MLLT3: variants seen among roughly 807,000 people sequenced by gnomAD.
MLLT3 encodes protein AF-9.
In MLLT3, 4 loss-of-function variants were observed where a neutral mutation model predicts 53.2. The observed-to-expected ratio is 0.08, with a 90% CI of 0.04 to 0.17. The LOEUF (loss-of-function observed/expected upper bound fraction) is 0.17, where lower values mean the gene tolerates loss of function less well. Ranked by LOEUF, MLLT3 falls within the 10% of genes least tolerant of loss-of-function variation. MLLT3 has a pLI of 1.00. For synonymous variants in MLLT3, 283 were observed against 230.6 expected (o/e 1.23, Z -2.06); for missense variants, 569 against 684.0 (o/e 0.83, Z 1.87).
At position 20,470,653 on chromosome 9, in the gene MLLT3, T is replaced by C. The variant is rs569198072; in HGVS notation, c.194-13867A>G. 2.6e-5 allele frequency among the ~76,000 whole-genome samples: 4 copies of C among 152,096 alleles called. No homozygotes were observed. The East Asian group carries it at 7.7e-4, about 29-fold the overall frequency. On this transcript the variant is annotated intron_variant, in intron 2 of 10. Coordinates refer to ENST00000380338, the MANE Select transcript of MLLT3 (RefSeq NM_004529.4). The stretch of plus-strand genomic sequence containing the variant: ...CATCAAGAAATGCTGGTAGATAAAT[T>C]CCAAATCCATCTGACTCTAGTTTCT...
chr9:20,487,657 T>G (rs146328243), intron 2 of MLLT3, among the ~76,000 whole-genome samples: 74 of 152,254 alleles, frequency 4.9e-4, no homozygotes, highest in African/African-American at 1.7e-3. Context: ...ACAATCCAAG[T>G]GGCACAATTT....
At chr9:20,350,990 G>A (rs1337007670) in intron 10 of MLLT3, among the ~76,000 whole-genome samples, 1 of 152,124 alleles carries the variant, frequency 6.6e-6, no homozygotes, top group East Asian at 1.9e-4. Flanking sequence ...GGATAACATA[G>A]GTCTTCCCAT....
intron 2 of MLLT3, among the ~76,000 whole-genome samples, chr9:20,618,306 T>C (rs957003135): frequency 6.6e-6 from 1 of 152,232 alleles, no homozygotes; most frequent in Non-Finnish European, 1.5e-5. Context: ...ATTCTTATTC[T>C]ATATTTATTC....
intron 2 of MLLT3, among the ~76,000 whole-genome samples, chr9:20,556,703 T>TA (rs1819066175): frequency 6.6e-6 from 1 of 151,310 alleles, no homozygotes; most frequent in African/African-American, 2.4e-5. Flanking sequence ...AATAAATAAA[T>TA]AAAAGTTGGG....
intron 4 of MLLT3, among the ~76,000 whole-genome samples, chr9:20,418,665 G>C (rs1230595885): frequency 6.6e-6 from 1 of 152,092 alleles, no homozygotes; most frequent in East Asian, 1.9e-4. Context: ...GAATGCAGTG[G>C]CTATTCACAG....
intron 4 of MLLT3, among the ~76,000 whole-genome samples, chr9:20,431,999 G>C (rs993124981): frequency 1.3e-5 from 2 of 152,140 alleles, no homozygotes; most frequent in Non-Finnish European, 2.9e-5. Context: ...TATATCGAGA[G>C]AAGGCAAAGG....
In MLLT3 at chr9:20,414,065, T is replaced by C. The variant is rs368720495; in HGVS notation, c.781A>G (p.Lys261Glu). Residue 261 changes from lysine to glutamate, a missense_variant, in exon 5 of 11, where the codon AAA (lysine) becomes GAA (glutamate). By Grantham distance (56) the Lys-to-Glu change is moderately conservative. Coordinates refer to ENST00000380338, the MANE Select transcript of MLLT3 (RefSeq NM_004529.4). Reference sequence around the variant, plus strand: ...AAGTTACTATCTGGTTTTGGCTCTTTTGACATGGGTTTAGGTTCCTTGAAG... The same window carrying C: ...AAGTTACTATCTGGTTTTGGCTCTTCTGACATGGGTTTAGGTTCCTTGAAG... ...MAFKEPKPMSKEPKPDSNLLT... is the reference protein window; with the variant it reads ...MAFKEPKPMSEEPKPDSNLLT... 8.1e-6 allele frequency: 13 copies of C among 1,614,142 alleles called. No homozygotes were observed. The highest frequency in any genetic ancestry group is 1.3e-5 in the African/African-American group (1 of 75,034).
rs548449588 is a variant in MLLT3, at chr9:20,529,167, G to C, written c.194-72381C>G. Among the ~76,000 whole-genome samples, 10 of 152,270 alleles carry C rather than the reference G, an allele frequency of 6.6e-5. No individual in the cohort carries two copies. In the South Asian group the frequency reaches 2.1e-3, roughly 32 times the overall value. ...CCTTACAATCTGGGTATGCAGCCTA[G>C]GTTTGGTTGGATTTTTTTTATTAAC... On this transcript the variant is annotated intron_variant, in intron 2 of 10. Transcript: ENST00000380338.
Position 20,346,353 on chromosome 9 carries a change from A to C in MLLT3, c.*90T>G. 7.5e-7 allele frequency: 1 copy of C among 1,330,742 alleles called. No individual in the cohort carries two copies. The highest frequency in any genetic ancestry group is 1.0e-6 in the Non-Finnish European group (1 of 989,568). 82.4% of individuals were successfully genotyped at this position (1,330,742 alleles called of 1,614,324 possible). On this transcript the variant is annotated 3_prime_UTR_variant, in exon 11 of 11. Coordinates refer to ENST00000380338, the MANE Select transcript of MLLT3 (RefSeq NM_004529.4). ...TGCATCATTTTGAGTGTTTTCATAT[A>C]AACAACAAGAACAAAAAATCACAAC... is the stretch of plus-strand genomic sequence containing the variant.
chr9:20,436,510 T>A (rs1211629841), intron 4 of MLLT3, among the ~76,000 whole-genome samples: 1 of 152,226 alleles, frequency 6.6e-6, no homozygotes, highest in Non-Finnish European at 1.5e-5. Context: ...GAAAGGAGAC[T>A]CATGCAAGAT....
chr9:20,486,765 T>C (rs957802029), intron 2 of MLLT3, among the ~76,000 whole-genome samples: 4 of 152,196 alleles, frequency 2.6e-5, no homozygotes, highest in African/African-American at 9.6e-5. Context: ...TCTGCAGTAT[T>C]GCATCGTTAC....
rs1820265450 is a variant in MLLT3, at chr9:20,596,418, G to A, written c.193+24236C>T. Among the ~76,000 whole-genome samples, 3 of 152,198 alleles carry A rather than the reference G, an allele frequency of 2.0e-5. No homozygotes were observed. The South Asian group carries it at 6.2e-4, about 31-fold the overall frequency. ...AAAATAATAAGCTCTGGCCAGGCAT[G>A]GTGGCACACGCCTATAATCCCAGCA... is the stretch of plus-strand genomic sequence containing the variant. On this transcript the variant is annotated intron_variant, in intron 2 of 10. Coordinates refer to ENST00000380338, the MANE Select transcript of MLLT3 (RefSeq NM_004529.4).
intron 8 of MLLT3, among the ~76,000 whole-genome samples, chr9:20,356,503 C>G (rs375005173): frequency 6.6e-6 from 1 of 151,948 alleles, no homozygotes. Flanking sequence ...TGGCACTCCT[C>G]GCCAACTCAG....
intron 5 of MLLT3, among the ~76,000 whole-genome samples, chr9:20,398,099 T>C (rs1822366912): frequency 6.6e-6 from 1 of 152,120 alleles, no homozygotes; most frequent in African/African-American, 2.4e-5. Context: ...TGAATATTTT[T>C]AATTTTTAAT....
At chr9:20,470,281 T>C (rs1453935813) in intron 2 of MLLT3, among the ~76,000 whole-genome samples, 2 of 152,034 alleles carry the variant, frequency 1.3e-5, no homozygotes, top group African/African-American at 4.8e-5. Flanking sequence ...ATCACGTTAG[T>C]AGCAAATATT....
chr9:20,612,793 C>G (rs1328196933), intron 2 of MLLT3, among the ~76,000 whole-genome samples: 1 of 151,728 alleles, frequency 6.6e-6, no homozygotes, highest in Non-Finnish European at 1.5e-5. Flanking sequence ...TTAAAATAGC[C>G]AAAATTGGCA....
intron 2 of MLLT3, among the ~76,000 whole-genome samples, chr9:20,600,773 T>G (rs1278791281): frequency 6.6e-6 from 1 of 152,182 alleles, no homozygotes; most frequent in African/African-American, 2.4e-5. Context: ...CCTACCCCAG[T>G]GAACTATTTT....
At chr9:20,426,949 A>G (rs1823152885) in intron 4 of MLLT3, among the ~76,000 whole-genome samples, 1 of 152,110 alleles carries the variant, frequency 6.6e-6, no homozygotes, top group Admixed American at 6.6e-5. Flanking sequence ...CCTGGGCCCT[A>G]TAGCACATTT....
rs187577998 is a variant in MLLT3, at chr9:20,357,874, T to A, written c.1431+2868A>T. ...CTCAAGAGTGTTCCCATTTCGGAGT[T>A]AGTCCTTCCAAGTATGTTCTCAACT... On this transcript the variant is annotated intron_variant, in intron 8 of 10. Transcript: ENST00000380338. 3.1e-3 allele frequency among the ~76,000 whole-genome samples: 469 copies of A among 152,074 alleles called. 3 individuals carry two copies. The highest frequency in any genetic ancestry group is 0.011 in the African/African-American group (447 of 41,472).
Sources: allele counts gnomAD v4.1 joint callset (sites outside exome capture counted in the v4.1 genomes callset), GRCh38; gene constraint gnomAD v4.1.1; transcripts MANE v1.5; gene names NCBI Gene and HGNC (gene_info 2026-07-23, HGNC 2026-07-21).